TMEM178B: variants seen among roughly 807,000 people sequenced by gnomAD.
The protein encoded by TMEM178B is transmembrane protein 178B.
Under a neutral mutation model 31.0 loss-of-function variants are expected in TMEM178B, and 5 were observed. The ratio of observed to expected loss-of-function variants is 0.16; its 90% confidence interval spans 0.08 to 0.34. TMEM178B has a LOEUF of 0.34. Ranked by LOEUF, TMEM178B falls within the 10% of genes least tolerant of loss-of-function variation. TMEM178B has a pLI of 1.00. For missense variants in TMEM178B, 275 were observed against 400.3 expected, an observed-to-expected ratio of 0.69 and a Z score of 2.67; for synonymous variants, 164 against 164.0, an observed-to-expected ratio of 1.00 and a Z score of 0.00.
intron 1 of TMEM178B, among the ~76,000 whole-genome samples, chr7:141,085,926 G>A (rs1794778357): frequency 1.3e-5 from 2 of 151,668 alleles, no homozygotes; most frequent in Admixed American, 6.6e-5. Flanking sequence ...TGTTTGTGAC[G>A]GTATCACAAA....
chr7:141,165,221 C>T (rs1483879883), intron 1 of TMEM178B, among the ~76,000 whole-genome samples: 1 of 152,078 alleles, frequency 6.6e-6, no homozygotes, highest in African/African-American at 2.4e-5. Context: ...ATCCTGGATC[C>T]CACGTTGCAT....
intron 1 of TMEM178B, among the ~76,000 whole-genome samples, chr7:141,206,531 G>A (rs7811912): frequency 0.66 from 100,416 of 151,962 alleles, 33,640 homozygotes; most frequent in Middle Eastern, 0.7. Flanking sequence ...GAAGGTTGGA[G>A]CAATGAGAGG....
chr7:141,171,667 T>C lies in TMEM178B; in HGVS notation c.383-40924T>C, dbSNP rs1796351137. 6.6e-6 allele frequency among the ~76,000 whole-genome samples: 1 copy of C among 152,112 alleles called. No individual in the cohort carries two copies. The highest frequency in any genetic ancestry group is 2.4e-5 in the African/African-American group (1 of 41,436). On this transcript the variant is annotated intron_variant, in intron 1 of 3. Coordinates refer to ENST00000565468, the MANE Select transcript of TMEM178B (RefSeq NM_001195278.2). The surrounding 1 kb of genome is among the most constrained non-coding windows in gnomAD (Gnocchi z 4.3). The stretch of plus-strand genomic sequence containing the variant: ...AAATTCCAGACAGAGGGGATGGCTG[T>C]GGTGTCACAGCAGAGAGCCAGCAGA...
At chr7:141,340,608 C>T (rs188903922) in intron 2 of TMEM178B, among the ~76,000 whole-genome samples, 1 of 152,262 alleles carries the variant, frequency 6.6e-6, no homozygotes, top group East Asian at 1.9e-4. Context: ...CATACCACCA[C>T]CTGTTGGTAA....
At chr7:141,465,177 T>G (rs1802128743) in intron 3 of TMEM178B, among the ~76,000 whole-genome samples, 1 of 152,210 alleles carries the variant, frequency 6.6e-6, no homozygotes, top group Non-Finnish European at 1.5e-5. Context: ...ATAGAGGGGA[T>G]GCATACGGAC....
intron 2 of TMEM178B, among the ~76,000 whole-genome samples, chr7:141,254,708 C>T (rs993703872): frequency 2.6e-5 from 4 of 152,106 alleles, no homozygotes; most frequent in South Asian, 4.2e-4. Context: ...GGGACAAGAG[C>T]GAGACTTCGT....
At chr7:141,252,638 T>C (rs1028681436) in intron 2 of TMEM178B, among the ~76,000 whole-genome samples, 8 of 152,350 alleles carry the variant, frequency 5.3e-5, no homozygotes, top group African/African-American at 1.7e-4. Flanking sequence ...TTGTGATACC[T>C]GTAGTAGCTG....
At chr7:141,404,884 G>A (rs955986336) in intron 2 of TMEM178B, among the ~76,000 whole-genome samples, 8 of 152,170 alleles carry the variant, frequency 5.3e-5, no homozygotes, top group South Asian at 2.1e-4. Context: ...CTTGTCCAGC[G>A]CTGTATCCAC....
intron 2 of TMEM178B, among the ~76,000 whole-genome samples, chr7:141,298,887 A>G (rs1798678402): frequency 6.6e-6 from 1 of 152,184 alleles, no homozygotes; most frequent in African/African-American, 2.4e-5. Context: ...ATATGGAGAG[A>G]TCACCTCATT....
At chr7:141,405,945 G>T (rs564069396) in intron 2 of TMEM178B, among the ~76,000 whole-genome samples, 9 of 152,266 alleles carry the variant, frequency 5.9e-5, no homozygotes, top group Admixed American at 4.6e-4. Context: ...CATTAAAATG[G>T]AAGCCCATTG....
At chr7:141,284,455 A>G (rs183489819) in intron 2 of TMEM178B, among the ~76,000 whole-genome samples, 77 of 152,228 alleles carry the variant, frequency 5.1e-4, no homozygotes, top group East Asian at 4.8e-3. Flanking sequence ...TTTTCTCTTC[A>G]AGGCTTTGAA....
intron 1 of TMEM178B, among the ~76,000 whole-genome samples, chr7:141,104,585 A>G (rs893474549): frequency 1.2e-4 from 19 of 152,092 alleles, no homozygotes; most frequent in Non-Finnish European, 8.8e-5. Context: ...CATGTCTCTT[A>G]TTTATGGGCT....
At chr7:141,205,551 C>G (rs1177006470) in intron 1 of TMEM178B, among the ~76,000 whole-genome samples, 1 of 152,230 alleles carries the variant, frequency 6.6e-6, no homozygotes, top group Non-Finnish European at 1.5e-5. Context: ...GATCTGGGAT[C>G]TCAGCCCTTC....
intron 2 of TMEM178B, among the ~76,000 whole-genome samples, chr7:141,251,816 G>A (rs1733311117): frequency 1.3e-5 from 2 of 151,908 alleles, no homozygotes; most frequent in African/African-American, 2.4e-5. Context: ...TTTTCTCTTG[G>A]GTCGTATCCC....
At chr7:141,137,506 A>C (rs541960705) in intron 1 of TMEM178B, among the ~76,000 whole-genome samples, 1 of 152,348 alleles carries the variant, frequency 6.6e-6, no homozygotes, top group African/African-American at 2.4e-5. Flanking sequence ...GAGCTAAAAA[A>C]GTTGATCTGA....
At chr7:141,084,903 G>A (rs1195474789) in intron 1 of TMEM178B, among the ~76,000 whole-genome samples, 4 of 151,932 alleles carry the variant, frequency 2.6e-5, no homozygotes, top group Non-Finnish European at 4.4e-5. Flanking sequence ...GTTTGAGACC[G>A]AGTCTTACTC....
At chr7:141,216,292 T>C (rs1797144930) in intron 2 of TMEM178B, among the ~76,000 whole-genome samples, 2 of 152,132 alleles carry the variant, frequency 1.3e-5, no homozygotes, top group South Asian at 2.1e-4. Flanking sequence ...TGCTGGTGTG[T>C]GCGCTCATAC....
At chr7:141,429,538 G>T (rs1348652326) in intron 2 of TMEM178B, among the ~76,000 whole-genome samples, 1 of 152,190 alleles carries the variant, frequency 6.6e-6, no homozygotes, top group Non-Finnish European at 1.5e-5. Context: ...GGCTGGTGTG[G>T]TTAGAGGTTA....
chr7:141,107,899 A>C (rs1795171673), intron 1 of TMEM178B, among the ~76,000 whole-genome samples: 1 of 152,324 alleles, frequency 6.6e-6, no homozygotes, highest in Admixed American at 6.5e-5. Context: ...GGAGAAGAAA[A>C]GGAATGGCAA....
Sources: allele counts gnomAD v4.1 joint callset (sites outside exome capture counted in the v4.1 genomes callset), GRCh38; gene constraint gnomAD v4.1.1; non-coding constraint Gnocchi (gnomAD v3.1); transcripts MANE v1.5; gene names NCBI Gene and HGNC (gene_info 2026-07-23, HGNC 2026-07-21).